Variants in TFCP2 observed in about 807,000 individuals in gnomAD.
The protein encoded by TFCP2 is transcription factor CP2.
TFCP2 carries 33 observed loss-of-function variants against 73.4 expected under a neutral mutation model. That is an observed-to-expected ratio of 0.45 (90% CI 0.34 to 0.60). The LOEUF (loss-of-function observed/expected upper bound fraction) is 0.60. TFCP2 is among the 20% of genes least tolerant of loss of function. TFCP2 has a pLI of 0.01. For missense variants in TFCP2, 352 were observed against 604.0 expected (o/e 0.58, Z 4.37); for synonymous variants, 193 against 211.6 (o/e 0.91, Z 0.76).
At chr12:51,153,120 G>A (rs1252942324) in intron 1 of TFCP2, among the ~76,000 whole-genome samples, 2 of 152,232 alleles carry the variant, frequency 1.3e-5, no homozygotes, top group Non-Finnish European at 2.9e-5. Context: ...GCTCATGTTT[G>A]TAATTCCAGC....
At chr12:51,124,423 CTTTT>C (rs746371798) in intron 1 of TFCP2, among the ~76,000 whole-genome samples, 1 of 148,666 alleles carries the variant, frequency 6.7e-6, no homozygotes, top group East Asian at 2.0e-4. Flanking sequence ...TCTTCTTCTT[CTTTT>C]TTTTTTAAGA....
intron 1 of TFCP2, among the ~76,000 whole-genome samples, chr12:51,128,973 TAA>T (rs901795046): frequency 3.9e-5 from 6 of 152,080 alleles, no homozygotes; most frequent in African/African-American, 7.2e-5. Flanking sequence ...AGGATAAATA[TAA>T]AGTCATAAGC....
At chr12:51,143,962 T>G (rs541693222) in intron 1 of TFCP2, among the ~76,000 whole-genome samples, 57 of 152,322 alleles carry the variant, frequency 3.7e-4, no homozygotes, top group African/African-American at 1.3e-3. Flanking sequence ...TGATGTCAAT[T>G]TATCCCAAAT....
intron 1 of TFCP2, among the ~76,000 whole-genome samples, chr12:51,136,074 A>C (rs1941053797): frequency 6.6e-6 from 1 of 152,042 alleles, no homozygotes; most frequent in Non-Finnish European, 1.5e-5. Flanking sequence ...TGGGAGGCTG[A>C]GGTGGGCGGA....
chr12:51,102,135 A>T, intron 10 of TFCP2, 110 bp from the exon 11 acceptor site: 1 of 767,180 alleles, frequency 1.3e-6, no homozygotes, highest in Non-Finnish European at 2.1e-6. Flanking sequence ...GTTACAATCC[A>T]TAATTTTCTT....
At chr12:51,160,861 G>C (rs901813950) in intron 1 of TFCP2, among the ~76,000 whole-genome samples, 4 of 152,136 alleles carry the variant, frequency 2.6e-5, no homozygotes, top group Non-Finnish European at 5.9e-5. Context: ...CCAACTGTTG[G>C]GATGGCAGTT....
rs180733202 is a variant in TFCP2 at position 51,172,695 on chromosome 12, T to C, written c.-273A>G. The stretch of plus-strand genomic sequence containing the variant: ...ACCCCTTTGCTCAACTACTGCAGAC[T>C]TCCCAGAGGCAGCTCTGGACTCCCG... On this transcript the variant is annotated 5_prime_UTR_variant, in exon 1 of 15. Transcript: ENST00000257915. 36 of 355,798 alleles carry C rather than the reference T, an allele frequency of 1.0e-4. No homozygotes were observed. The East Asian group carries it at 1.9e-3, about 19-fold the overall frequency. 22.0% of individuals were successfully genotyped at this position (355,798 alleles called of 1,614,324 possible).
At chr12:51,137,455 T>G (rs985014028) in intron 1 of TFCP2, among the ~76,000 whole-genome samples, 1 of 152,220 alleles carries the variant, frequency 6.6e-6, no homozygotes, top group Admixed American at 6.5e-5. Context: ...ATTAAAAGTT[T>G]AATCAAAGAA....
At chr12:51,110,791 A>C in intron 5 of TFCP2, 86 bp downstream of exon 5, 2 of 1,031,792 alleles carry the variant, frequency 1.9e-6, no homozygotes. Context: ...AAAGATTTCA[A>C]AGTTAACATG....
chr12:51,152,898 C>T (rs913159212), intron 1 of TFCP2, among the ~76,000 whole-genome samples: 13 of 152,154 alleles, frequency 8.5e-5, no homozygotes, highest in Non-Finnish European at 1.8e-4. Flanking sequence ...CACCATCATC[C>T]ATCTCCAGAA....
chr12:51,099,238 C>G (rs1407720459), intron 12 of TFCP2, among the ~76,000 whole-genome samples: 1 of 152,108 alleles, frequency 6.6e-6, no homozygotes, highest in Non-Finnish European at 1.5e-5. Context: ...ATAGTCCCAG[C>G]AATTTGGGAG....
chr12:51,119,627 G>A (rs552802878), intron 1 of TFCP2, among the ~76,000 whole-genome samples: 7 of 151,804 alleles, frequency 4.6e-5, no homozygotes, highest in Non-Finnish European at 7.4e-5. Context: ...GCGCATGCCT[G>A]TAATCCCAGC....
intron 1 of TFCP2, among the ~76,000 whole-genome samples, chr12:51,170,492 C>T (rs1204285874): frequency 6.6e-6 from 1 of 152,016 alleles, no homozygotes; most frequent in Non-Finnish European, 1.5e-5. Context: ...CAGGAACATG[C>T]CACCAGGCCT....
At chr12:51,156,045 CAAAAAAAAAAAAAAAAAA>C (rs71712150) in intron 1 of TFCP2, among the ~76,000 whole-genome samples, 1 of 146,454 alleles carries the variant, frequency 6.8e-6, no homozygotes, top group Non-Finnish European at 1.5e-5. Flanking sequence ...CTTTTTGTCT[CAAAAAAAAAAAAAAAAAA>C]AAAAAAAAGA....
intron 2 of TFCP2, among the ~76,000 whole-genome samples, 194 bp from the exon 3 acceptor site, chr12:51,117,941 C>T (rs1940570259): frequency 6.6e-6 from 1 of 152,180 alleles, no homozygotes; most frequent in East Asian, 1.9e-4. Flanking sequence ...AACTGATATA[C>T]TTTTCTAAGG....
chr12:51,155,355 A>C (rs1941515998), intron 1 of TFCP2, among the ~76,000 whole-genome samples: 1 of 152,160 alleles, frequency 6.6e-6, no homozygotes, highest in Admixed American at 6.5e-5. Flanking sequence ...TTCCCCTAAT[A>C]AATCCCCTCT....
At chr12:51,111,467 G>C (rs1173813129) in intron 4 of TFCP2, among the ~76,000 whole-genome samples, 1 of 151,240 alleles carries the variant, frequency 6.6e-6, no homozygotes, top group African/African-American at 2.4e-5. Flanking sequence ...TTTCTTTTTT[G>C]TCAATGAAAA....
intron 1 of TFCP2, among the ~76,000 whole-genome samples, chr12:51,160,573 T>A (rs1361517825): frequency 1.3e-5 from 2 of 152,124 alleles, no homozygotes; most frequent in African/African-American, 4.8e-5. Context: ...TGTGCGCGCA[T>A]ACACTGAGAA....
intron 1 of TFCP2, among the ~76,000 whole-genome samples, chr12:51,167,390 CTGAT>C (rs1320631881): frequency 1.1e-5 from 1 of 92,110 alleles, no homozygotes; most frequent in Middle Eastern, 5.0e-3. Context: ...GAACGTCAGA[CTGAT>C]TGACATTTTT....
Sources: allele counts gnomAD v4.1 joint callset (sites outside exome capture counted in the v4.1 genomes callset), GRCh38; gene constraint gnomAD v4.1.1; transcripts MANE v1.5; gene names NCBI Gene and HGNC (gene_info 2026-07-23, HGNC 2026-07-21).